Variants in UNC79 observed in about 807,000 individuals in gnomAD.
UNC79 encodes the protein protein unc-79 homolog.
Under a neutral mutation model 283.1 loss-of-function variants are expected in UNC79, and 37 were observed. That is an observed-to-expected ratio of 0.13 (90% CI 0.10 to 0.17). The LOEUF (loss-of-function observed/expected upper bound fraction) is 0.17, where lower values mean the gene tolerates loss of function less well. Among genes scored for constraint, UNC79 ranks in the 10% least tolerant of loss-of-function variants. The probability of loss-of-function intolerance (pLI) is 1.00; values close to 1 mark genes in which losing one functional copy is unlikely to be tolerated. For synonymous variants in UNC79, 1,107 were observed against 1,200.2 expected (o/e 0.92, Z 1.61); for missense variants, 2,272 against 3,211.1 (o/e 0.71, Z 7.07).
chr14:93,616,137 A>G (rs2066705361), intron 27 of UNC79, among the ~76,000 whole-genome samples: 1 of 152,124 alleles, frequency 6.6e-6, no homozygotes, highest in Non-Finnish European at 1.5e-5. Flanking sequence ...AATTTGTATC[A>G]TATTCTGTAT....
chr14:93,536,655 A>G (rs2061089461), intron 11 of UNC79, among the ~76,000 whole-genome samples: 1 of 152,010 alleles, frequency 6.6e-6, no homozygotes, highest in Non-Finnish European at 1.5e-5. Flanking sequence ...GTCCTTCTAC[A>G]CCTTATGCTC....
intron 40 of UNC79, among the ~76,000 whole-genome samples, chr14:93,670,774 G>C (rs929287287): frequency 6.6e-6 from 1 of 152,146 alleles, no homozygotes; most frequent in African/African-American, 2.4e-5. Flanking sequence ...ATTGTGCCTT[G>C]GTCTTTCAGA....
At chr14:93,495,628 A>G (rs1427224655) in intron 5 of UNC79, among the ~76,000 whole-genome samples, 1 of 152,178 alleles carries the variant, frequency 6.6e-6, no homozygotes, top group African/African-American at 2.4e-5. Context: ...CAAAAAGGAG[A>G]CAGTAGTCAG....
chr14:93,403,545 A>T (rs551305139), intron 1 of UNC79, among the ~76,000 whole-genome samples: 9 of 152,290 alleles, frequency 5.9e-5, no homozygotes, highest in African/African-American at 1.9e-4. Context: ...AGAGATATTG[A>T]CAGTTTTTCA....
At chr14:93,645,517 G>A (rs2069502823) in intron 34 of UNC79, among the ~76,000 whole-genome samples, 1 of 152,120 alleles carries the variant, frequency 6.6e-6, no homozygotes, top group African/African-American at 2.4e-5. Context: ...ACTTCATCAC[G>A]AAGAACAGAT....
rs571505501 is a variant in UNC79, at chr14:93,586,597, A to G, written c.2805A>G (p.Ala935=). Residue 935 remains alanine, a splice_region_variant and synonymous_variant, in exon 21 of 49, where the codon GCA becomes GCG. Coordinates refer to ENST00000555664, the Ensembl canonical transcript of UNC79. Reference sequence around the variant, plus strand: ...TTTTGTGTAATTATTTCTTCACAGCAGTAAAGAATGATACCGAAAGAAAAT... The same window carrying G: ...TTTTGTGTAATTATTTCTTCACAGCGGTAAAGAATGATACCGAAAGAAAAT... The G allele has an allele frequency of 5.0e-6, 8 of 1,612,394 alleles. No homozygotes were observed. The African/African-American group carries it at 8.0e-5, about 16-fold the overall frequency.
chr14:93,394,857 A>G (rs1910517), intron 1 of UNC79, among the ~76,000 whole-genome samples: 82,418 of 151,994 alleles, frequency 0.54, 22,922 homozygotes, highest in Admixed American at 0.65. Flanking sequence ...GACTGCAGGC[A>G]TGTGCCACCA....
Position 93,474,413 on chromosome 14 carries a change from C to A in UNC79, c.448+20C>A. ...AACACGGTGAGCACTTAGCTGAAAC[C>A]TTTGGAAATGTACGTGGATGCTTAT... is the stretch of plus-strand genomic sequence containing the variant. On this transcript the variant is annotated intron_variant, in intron 3 of 48. Transcript: ENST00000555664. The surrounding 1 kb of genome is among the most constrained non-coding windows in gnomAD (Gnocchi z 4.1). The A allele has an allele frequency of 6.5e-7, 1 of 1,527,298 alleles. No homozygotes were observed. Among genetic ancestry groups the A allele is most frequent in the South Asian group, 1.2e-5 (1 of 83,128 alleles). 94.6% of individuals were successfully genotyped at this position (1,527,298 alleles called of 1,614,324 possible).
chr14:93,374,138 C>T (rs563196525), intron 1 of UNC79, among the ~76,000 whole-genome samples: 1 of 152,164 alleles, frequency 6.6e-6, no homozygotes, highest in East Asian at 1.9e-4. Flanking sequence ...GGGGCTGCGG[C>T]AGAAAGTTCC....
chr14:93,542,763 C>T, intron 14 of UNC79, 67 bp downstream of exon 14: 1 of 1,509,962 alleles, frequency 6.6e-7, no homozygotes, highest in Non-Finnish European at 9.2e-7. Flanking sequence ...CTGCCTTAGC[C>T]ATGTGGGTAT....
At chr14:93,502,758 C>T (rs1265222529) in intron 7 of UNC79, among the ~76,000 whole-genome samples, 1 of 152,200 alleles carries the variant, frequency 6.6e-6, no homozygotes, top group Non-Finnish European at 1.5e-5. Context: ...ATTTCCAAGA[C>T]AGGGACTGTA....
chr14:93,383,911 A>ATC (rs2054715334), intron 1 of UNC79, among the ~76,000 whole-genome samples: 8 of 15,892 alleles, frequency 5.0e-4, no homozygotes, highest in African/African-American at 1.3e-3. Flanking sequence ...TCCCTGCACA[A>ATC]ACTCTGTCTG....
chr14:93,578,451 G>A (rs994615343), intron 18 of UNC79, among the ~76,000 whole-genome samples: 2 of 152,072 alleles, frequency 1.3e-5, no homozygotes, highest in Non-Finnish European at 1.5e-5. Context: ...AAGTTAAAAA[G>A]GTTTTGATGA....
Position 93,690,383 on chromosome 14 carries a change from G to C in UNC79, c.7272+80G>C. The C allele has an allele frequency of 1.4e-6, 2 of 1,466,194 alleles. No homozygotes were observed. Among genetic ancestry groups the C allele is most frequent in the South Asian group, 1.3e-5 (1 of 75,072 alleles). 90.8% of individuals were successfully genotyped at this position (1,466,194 alleles called of 1,614,324 possible). A position where few individuals can be genotyped will look rare whatever the true frequency, so the allele number is the denominator to read the frequency against. The stretch of plus-strand genomic sequence containing the variant: ...CTTATCAGCCAATTATGTTTCTTCT[G>C]AGAAGAAAATACATCTTATCATTTG... On this transcript the variant is annotated intron_variant, in intron 45 of 48. Coordinates refer to ENST00000555664, the Ensembl canonical transcript of UNC79. The surrounding 1 kb of genome is among the most constrained non-coding windows in gnomAD (Gnocchi z 4.3).
intron 1 of UNC79, among the ~76,000 whole-genome samples, chr14:93,404,230 A>G (rs1010476896): frequency 6.6e-6 from 1 of 151,692 alleles, no homozygotes; most frequent in African/African-American, 2.4e-5. Context: ...GAGGATTGAA[A>G]TATTGAATGG....
At chr14:93,597,915 A>G (rs939731156) in intron 24 of UNC79, among the ~76,000 whole-genome samples, 2 of 152,200 alleles carry the variant, frequency 1.3e-5, no homozygotes, top group Non-Finnish European at 2.9e-5. Context: ...CATCACATAT[A>G]ATATTGACGA....
chr14:93,432,231 C>G (rs1363293016), intron 1 of UNC79, among the ~76,000 whole-genome samples: 1 of 152,124 alleles, frequency 6.6e-6, no homozygotes, highest in African/African-American at 2.4e-5. Flanking sequence ...ATTAAATAAA[C>G]TGAAGGCTTA....
chr14:93,611,711 G>A (rs2066321458), intron 26 of UNC79, among the ~76,000 whole-genome samples: 1 of 152,030 alleles, frequency 6.6e-6, no homozygotes. Flanking sequence ...GGTTTATAAT[G>A]GTTTGTAACC....
At chr14:93,522,044 CTACAACCTGTTCT>C (rs2060348084) in intron 7 of UNC79, among the ~76,000 whole-genome samples, 1 of 151,656 alleles carries the variant, frequency 6.6e-6, no homozygotes, top group Non-Finnish European at 1.5e-5. Context: ...AATTGATTAT[CTACAACCTGTTCT>C]TAACACAGCA....
Sources: allele counts gnomAD v4.1 joint callset (sites outside exome capture counted in the v4.1 genomes callset), GRCh38; gene constraint gnomAD v4.1.1; non-coding constraint Gnocchi (gnomAD v3.1); transcripts MANE v1.5; gene names NCBI Gene and HGNC (gene_info 2026-07-23, HGNC 2026-07-21).